Variants in ANKRD31 observed in about 807,000 individuals in gnomAD.
ANKRD31 encodes ankyrin repeat domain 31, also known as ankyrin repeat domain-containing protein 31.
In ANKRD31, 147 loss-of-function variants were observed where a neutral mutation model predicts 186.0. The observed-to-expected ratio is 0.79, with a 90% CI of 0.69 to 0.91. The LOEUF (loss-of-function observed/expected upper bound fraction) is 0.91, where lower values mean the gene tolerates loss of function less well. Ranked by LOEUF, ANKRD31 falls within the 40% of genes least tolerant of loss-of-function variation. ANKRD31 has a pLI of 0.00. For synonymous variants in ANKRD31, 673 were observed against 736.4 expected (o/e 0.91, Z 1.39); for missense variants, 1,986 against 2,148.8 (o/e 0.92, Z 1.50).
intron 22 of ANKRD31, among the ~76,000 whole-genome samples, chr5:75,097,607 T>C (rs1461933041): frequency 6.6e-6 from 1 of 152,232 alleles, no homozygotes; most frequent in Non-Finnish European, 1.5e-5. Flanking sequence ...TTCTGTAGGT[T>C]GCCTCTTCAC....
At chr5:75,098,220 C>A (rs1004946037) in intron 22 of ANKRD31, among the ~76,000 whole-genome samples, 6 of 152,142 alleles carry the variant, frequency 3.9e-5, no homozygotes, top group Admixed American at 1.3e-4. Context: ...GTCTCGATCT[C>A]TTGACCTCCA....
intron 24 of ANKRD31, among the ~76,000 whole-genome samples, chr5:75,082,358 G>T (rs1745147139): frequency 6.6e-6 from 1 of 152,054 alleles, no homozygotes; most frequent in Non-Finnish European, 1.5e-5. Context: ...CTTGGCCCTG[G>T]TTATCACAGT....
intron 14 of ANKRD31, 81 bp downstream of exon 14, chr5:75,145,906 G>GA: frequency 8.1e-7 from 1 of 1,236,316 alleles, no homozygotes; most frequent in Non-Finnish European, 1.1e-6. Context: ...GCCATCGTTT[G>GA]AATACAATTC....
At position 75,200,862 on chromosome 5, in the gene ANKRD31, C is replaced by T. The variant is rs561724238; in HGVS notation, c.404-1188G>A. Reference sequence around the variant, plus strand: ...GGGAGGCAGAGGTTGCAGTGAGCCGCGATTACACCACTGCACTCCAGCCTG... The same window carrying T: ...GGGAGGCAGAGGTTGCAGTGAGCCGTGATTACACCACTGCACTCCAGCCTG... On this transcript the variant is annotated intron_variant, in intron 5 of 25. Coordinates refer to ENST00000506364, the MANE Select transcript of ANKRD31 (RefSeq NM_001372053.1). Among the ~76,000 whole-genome samples the T allele has an allele frequency of 3.0e-3, 448 of 150,142 alleles. 1 individual carries two copies. The highest frequency in any genetic ancestry group is 0.011 in the African/African-American group (437 of 40,766).
intron 3 of ANKRD31, 131 bp from the exon 4 acceptor site, chr5:75,210,996 A>G: frequency 1.6e-6 from 1 of 609,390 alleles, no homozygotes; most frequent in Non-Finnish European, 2.7e-6. Context: ...TAAAATACAC[A>G]TAAAATTTAC....
At chr5:75,177,991 C>T (rs888500086) in intron 10 of ANKRD31, among the ~76,000 whole-genome samples, 1 of 152,126 alleles carries the variant, frequency 6.6e-6, no homozygotes, top group African/African-American at 2.4e-5. Context: ...GGAAATCCAT[C>T]TCACGTGCAG....
At chr5:75,195,098 CT>C (rs1755375982) in intron 7 of ANKRD31, among the ~76,000 whole-genome samples, 1 of 152,158 alleles carries the variant, frequency 6.6e-6, no homozygotes, top group African/African-American at 2.4e-5. Flanking sequence ...ACCCCAAGAG[CT>C]ATGCCACCTG....
At position 75,231,598 on chromosome 5, in the gene ANKRD31, T is replaced by C. The variant is rs1415518522; in HGVS notation, c.105-963A>G. On this transcript the variant is annotated intron_variant, in intron 1 of 25. Transcript: ENST00000506364. ...GCAGAAAATGGACAAAAGACTTGAA[T>C]AGACATTTCTGCAAAAACGAAATAC... is the stretch of plus-strand genomic sequence containing the variant. 2.6e-5 allele frequency among the ~76,000 whole-genome samples: 4 copies of C among 152,226 alleles called. No individual in the cohort carries two copies. The South Asian group carries it at 6.2e-4, about 24-fold the overall frequency.
intron 1 of ANKRD31, 124 bp from the exon 2 acceptor site, chr5:75,230,759 T>G: frequency 1.7e-6 from 1 of 599,802 alleles, no homozygotes; most frequent in Non-Finnish European, 2.8e-6. Flanking sequence ...CTATTAATGT[T>G]TCTATTTCAA....
intron 2 of ANKRD31, among the ~76,000 whole-genome samples, chr5:75,226,031 C>T (rs1207948423): frequency 6.6e-6 from 1 of 152,154 alleles, no homozygotes; most frequent in African/African-American, 2.4e-5. Flanking sequence ...CAGTATTCCT[C>T]TTGGGCCTAT....
chr5:75,163,572 C>CA (rs1255663761), intron 11 of ANKRD31, among the ~76,000 whole-genome samples: 1 of 152,140 alleles, frequency 6.6e-6, no homozygotes, highest in Non-Finnish European at 1.5e-5. Flanking sequence ...CATATGAAAT[C>CA]AGGTGTGAAA....
At chr5:75,129,318 C>A (rs1232133029) in intron 17 of ANKRD31, among the ~76,000 whole-genome samples, 1 of 152,136 alleles carries the variant, frequency 6.6e-6, no homozygotes, top group African/African-American at 2.4e-5. Context: ...CATAAAGCAC[C>A]CAGCCTCAGG....
At chr5:75,206,298 T>C (rs1198680699) in intron 5 of ANKRD31, 113 bp downstream of exon 5, 1 of 85,018 alleles carries the variant, frequency 1.2e-5, no homozygotes, top group African/African-American at 4.1e-5. Flanking sequence ...TATATATATA[T>C]ATATATATAT....
intron 19 of ANKRD31, among the ~76,000 whole-genome samples, chr5:75,115,846 T>G (rs1748194643): frequency 6.6e-6 from 1 of 152,038 alleles, no homozygotes; most frequent in African/African-American, 2.4e-5. Flanking sequence ...TGCAAGTCAG[T>G]GTGGCGATTC....
Position 75,148,601 on chromosome 5 carries a change from T to C in ANKRD31, c.1880A>G (p.Asp627Gly). The C allele has an allele frequency of 1.3e-6, 2 of 1,526,736 alleles. No individual in the cohort carries two copies. The highest frequency in any genetic ancestry group is 1.8e-6 in the Non-Finnish European group (2 of 1,141,076). The allele number at this position is 1,526,736 out of a possible 1,614,324, so 94.6% of individuals were successfully genotyped here. Residue 627 changes from aspartate (D) to glycine (G), a missense_variant, in exon 13 of 26, where the codon GAC becomes GGC. Transcript: ENST00000506364. Reference protein sequence around the residue: ...SAQRSSIDPLDIEDVYQHKKP... With the variant: ...SAQRSSIDPLGIEDVYQHKKP... ...CTTGTGTTGGTACACATCCTCTATGTCTAGTGGGTCAATGCTACTCCTTTG... is the reference window on the plus strand; with the variant it reads ...CTTGTGTTGGTACACATCCTCTATGCCTAGTGGGTCAATGCTACTCCTTTG...
intron 23 of ANKRD31, among the ~76,000 whole-genome samples, chr5:75,089,479 C>T (rs1207237103): frequency 6.6e-6 from 1 of 152,190 alleles, no homozygotes; most frequent in Non-Finnish European, 1.5e-5. Flanking sequence ...CACATTTACC[C>T]ATGTAGCAAA....
chr5:75,145,754 G>A (rs759726043), intron 14 of ANKRD31, among the ~76,000 whole-genome samples: 9 of 151,852 alleles, frequency 5.9e-5, no homozygotes, highest in Non-Finnish European at 1.2e-4. Context: ...AAAAACTACT[G>A]TTTATTACCA....
At chr5:75,208,093 C>T (rs2150281267) in intron 4 of ANKRD31, among the ~76,000 whole-genome samples, 1 of 151,950 alleles carries the variant, frequency 6.6e-6, no homozygotes, top group African/African-American at 2.4e-5. Context: ...AGAGAAGTTG[C>T]AATTTTTGAC....
intron 22 of ANKRD31, among the ~76,000 whole-genome samples, chr5:75,095,297 G>A (rs963546071): frequency 7.3e-5 from 11 of 151,708 alleles, no homozygotes; most frequent in Admixed American, 2.0e-4. Context: ...GTGAAACCCT[G>A]TCTCTACTAA....
Sources: allele counts gnomAD v4.1 joint callset (sites outside exome capture counted in the v4.1 genomes callset), GRCh38; gene constraint gnomAD v4.1.1; transcripts MANE v1.5; gene names NCBI Gene and HGNC (gene_info 2026-07-23, HGNC 2026-07-21).